Variants in FAM107B observed in about 807,000 individuals in gnomAD.
FAM107B encodes protein FAM107B.
FAM107B carries 21 observed loss-of-function variants against 31.5 expected under a neutral mutation model. That is an observed-to-expected ratio of 0.67 (90% confidence interval 0.47 to 0.96). The LOEUF (loss-of-function observed/expected upper bound fraction) is 0.96, where lower values mean the gene tolerates loss of function less well. Among genes scored for constraint, FAM107B ranks in the 40% least tolerant of loss-of-function variants. The probability of loss-of-function intolerance (pLI) is 0.00; values close to 1 mark genes in which losing one functional copy is unlikely to be tolerated. For synonymous variants in FAM107B, 157 were observed against 141.5 expected (o/e 1.11, Z -0.78); for missense variants, 452 against 377.1 (o/e 1.20, Z -1.64).
intron 2 of FAM107B, among the ~76,000 whole-genome samples, chr10:14,624,164 C>T (rs779945145): frequency 1.3e-5 from 2 of 152,092 alleles, no homozygotes; most frequent in African/African-American, 4.8e-5. Context: ...ATTAAAAAAC[C>T]ACTAGAGGCT....
intron 1 of FAM107B, among the ~76,000 whole-genome samples, chr10:14,687,686 T>C (rs1429370173): frequency 6.6e-6 from 1 of 152,144 alleles, no homozygotes; most frequent in Non-Finnish European, 1.5e-5. Context: ...AGTGCTTCCA[T>C]GAGTATTTTC....
chr10:14,633,018 G>A (rs1853407781), intron 2 of FAM107B, among the ~76,000 whole-genome samples: 1 of 152,090 alleles, frequency 6.6e-6, no homozygotes, highest in South Asian at 2.1e-4. Context: ...GGCCAACATG[G>A]TAAAACTCTG....
chr10:14,539,213 G>A (rs1847933070), intron 2 of FAM107B, among the ~76,000 whole-genome samples: 1 of 152,188 alleles, frequency 6.6e-6, no homozygotes. Flanking sequence ...GTGTGGACAG[G>A]GAAGGGAGAA....
chr10:14,546,777 T>C lies in FAM107B; in HGVS notation c.470-16262A>G, dbSNP rs114612038. ...TTGGTGAACAAATTAAATTCAACCC[T>C]ACCGACCTTCAAAGTAAAGACCAGT... On this transcript the variant is annotated intron_variant, in intron 2 of 4. Transcript: ENST00000181796. Among the ~76,000 whole-genome samples the C allele has an allele frequency of 4.0e-3, 602 of 152,280 alleles. 3 individuals are homozygous for C. Among genetic ancestry groups the C allele is most frequent in the African/African-American group, 0.014 (569 of 41,540 alleles).
At chr10:14,544,994 A>G (rs992000413) in intron 2 of FAM107B, among the ~76,000 whole-genome samples, 1 of 152,216 alleles carries the variant, frequency 6.6e-6, no homozygotes, top group Non-Finnish European at 1.5e-5. Flanking sequence ...TCATGGAATT[A>G]GTTAAATGCA....
intron 2 of FAM107B, among the ~76,000 whole-genome samples, chr10:14,650,837 T>A (rs1853879947): frequency 6.6e-6 from 1 of 152,228 alleles, no homozygotes; most frequent in Admixed American, 6.5e-5. Flanking sequence ...AAAAATAATA[T>A]TTTTTAAAAA....
chr10:14,685,707 C>T (rs538322993), intron 1 of FAM107B, among the ~76,000 whole-genome samples: 3 of 152,078 alleles, frequency 2.0e-5, no homozygotes, highest in Non-Finnish European at 4.4e-5. Flanking sequence ...ATACTTGGAG[C>T]GTTTGTAAGA....
At chr10:14,753,386 G>A (rs905744679) in intron 1 of FAM107B, among the ~76,000 whole-genome samples, 1 of 152,314 alleles carries the variant, frequency 6.6e-6, no homozygotes, top group East Asian at 1.9e-4. Context: ...CATCAAAGCC[G>A]TGAAGATTAG....
intron 1 of FAM107B, among the ~76,000 whole-genome samples, chr10:14,727,505 G>A (rs1029733727): frequency 2.0e-5 from 3 of 152,224 alleles, no homozygotes; most frequent in Non-Finnish European, 4.4e-5. Context: ...GAAATCCACA[G>A]GCTGGAAGTG....
intron 2 of FAM107B, among the ~76,000 whole-genome samples, chr10:14,572,761 T>TATATATATATATATGTATATATA (rs1554835550): frequency 1.3e-5 from 1 of 76,038 alleles, no homozygotes; most frequent in Admixed American, 1.3e-4. Context: ...ATATATATAT[T>TATATATATATATATGTATATATA]AGAGTGTGTG....
At chr10:14,698,264 A>AGG (rs1433827028) in intron 1 of FAM107B, among the ~76,000 whole-genome samples, 2 of 152,192 alleles carry the variant, frequency 1.3e-5, no homozygotes, top group Non-Finnish European at 2.9e-5. Context: ...GCTAGAAGAG[A>AGG]GGTCTAAATC....
At chr10:14,687,764 G>A (rs1855025155) in intron 1 of FAM107B, among the ~76,000 whole-genome samples, 2 of 152,162 alleles carry the variant, frequency 1.3e-5, no homozygotes, top group Non-Finnish European at 2.9e-5. Context: ...GCTAGAGCAT[G>A]ATAGAACCAC....
chr10:14,526,387 G>C (rs547152179), intron 3 of FAM107B, among the ~76,000 whole-genome samples: 6 of 152,292 alleles, frequency 3.9e-5, no homozygotes, highest in Non-Finnish European at 8.8e-5. Context: ...TGTTGGCCAG[G>C]CTGCTCTCAA....
chr10:14,643,104 G>GGTAC (rs1853668879), intron 2 of FAM107B, among the ~76,000 whole-genome samples: 2 of 134,084 alleles, frequency 1.5e-5, no homozygotes, highest in South Asian at 5.4e-4. Flanking sequence ...ATTGGAGATA[G>GGTAC]GTAGGTAGGT....
chr10:14,770,337 A>G (rs572251477), intron 1 of FAM107B, among the ~76,000 whole-genome samples: 1 of 152,286 alleles, frequency 6.6e-6, no homozygotes, highest in African/African-American at 2.4e-5. Flanking sequence ...AGGCTGGCCA[A>G]CATGGTGAAA....
At chr10:14,677,656 C>T (rs931472458) in intron 1 of FAM107B, among the ~76,000 whole-genome samples, 1 of 152,130 alleles carries the variant, frequency 6.6e-6, no homozygotes, top group African/African-American at 2.4e-5. Flanking sequence ...GCTACAGATA[C>T]CAGAACCCCA....
chr10:14,577,834 C>T (rs575662803), intron 2 of FAM107B, among the ~76,000 whole-genome samples: 66 of 152,300 alleles, frequency 4.3e-4, no homozygotes, highest in Non-Finnish European at 6.0e-4. Flanking sequence ...TTCTCTAATA[C>T]TGAAGTCGTT....
At chr10:14,532,889 GA>G (rs1275337849) in intron 2 of FAM107B, among the ~76,000 whole-genome samples, 3 of 152,202 alleles carry the variant, frequency 2.0e-5, no homozygotes, top group African/African-American at 4.8e-5. Context: ...GAGCTGGAGG[GA>G]ATGTGACAGA....
At chr10:14,646,654 T>A (rs986428356) in intron 2 of FAM107B, among the ~76,000 whole-genome samples, 1 of 152,204 alleles carries the variant, frequency 6.6e-6, no homozygotes, top group African/African-American at 2.4e-5. Flanking sequence ...GGTGTTGATA[T>A]AATGACTTCT....
Sources: allele counts gnomAD v4.1 joint callset (sites outside exome capture counted in the v4.1 genomes callset), GRCh38; gene constraint gnomAD v4.1.1; transcripts MANE v1.5; gene names NCBI Gene and HGNC (gene_info 2026-07-23, HGNC 2026-07-21).